The following IPCEF1 variants were observed in gnomAD, a reference collection of about 807,000 sequenced individuals.
The protein encoded by IPCEF1 is interactor protein for cytohesin exchange factors 1.
In IPCEF1, 31 loss-of-function variants were observed where a neutral mutation model predicts 50.9. That is an observed-to-expected ratio of 0.61 (90% CI 0.46 to 0.82). The LOEUF is 0.82. Among genes scored for constraint, IPCEF1 ranks in the 40% least tolerant of loss-of-function variants. The probability of loss-of-function intolerance (pLI) is 0.00; values close to 1 mark genes in which losing one functional copy is unlikely to be tolerated. For missense variants in IPCEF1, 458 were observed against 514.0 expected, an observed-to-expected ratio of 0.89 and a Z score of 1.05; for synonymous variants, 181 against 192.0, an observed-to-expected ratio of 0.94 and a Z score of 0.47.
intron 1 of IPCEF1, among the ~76,000 whole-genome samples, chr6:154,326,131 T>C (rs1195762582): frequency 6.7e-6 from 1 of 148,750 alleles, no homozygotes; most frequent in Non-Finnish European, 1.5e-5. Flanking sequence ...GAGGCTGAGG[T>C]GGGAGGCTTG....
At chr6:154,231,849 G>A (rs1465793389) in intron 5 of IPCEF1, among the ~76,000 whole-genome samples, 1 of 152,102 alleles carries the variant, frequency 6.6e-6, no homozygotes, top group African/African-American at 2.4e-5. Flanking sequence ...AAACAAACAC[G>A]AAAAAGAAAA....
chr6:154,187,460 T>G lies in IPCEF1; in HGVS notation c.910+12208A>C, dbSNP rs543326739. Among the ~76,000 whole-genome samples the G allele has an allele frequency of 2.0e-5, 3 of 152,314 alleles. No individual in the cohort carries two copies. The East Asian group carries it at 5.8e-4, about 29-fold the overall frequency. On this transcript the variant is annotated intron_variant, in intron 10 of 11. Coordinates refer to ENST00000367220, the MANE Select transcript of IPCEF1 (RefSeq NM_001130700.2). ...ATGGTGCTTGGCATATAAAAAGCAC[T>G]TGACAAATATTGTTGAATGAATGGA... is the stretch of plus-strand genomic sequence containing the variant.
At chr6:154,205,829 T>C (rs1777448356) in intron 9 of IPCEF1, among the ~76,000 whole-genome samples, 1 of 152,076 alleles carries the variant, frequency 6.6e-6, no homozygotes, top group Non-Finnish European at 1.5e-5. Flanking sequence ...TATTCCTTCC[T>C]TTCTAACACA....
rs775067070 is a variant in IPCEF1, at chr6:154,247,505, G to A, written c.37-17C>T. 62 of 1,608,896 alleles carry A rather than the reference G, an allele frequency of 3.9e-5. No individual in the cohort carries two copies. The East Asian group carries it at 1.4e-3, about 36-fold the overall frequency. ...GGGAACCTGCTGAAAATGCAGGAAG[G>A]AAAGAAAAGAGGAAATTTCTGATTG... On this transcript the variant is annotated splice_polypyrimidine_tract_variant and intron_variant, in intron 3 of 11. Coordinates refer to ENST00000367220, the MANE Select transcript of IPCEF1 (RefSeq NM_001130700.2).
chr6:154,253,704 T>G (rs9479801), intron 3 of IPCEF1, among the ~76,000 whole-genome samples: 55,359 of 151,792 alleles, frequency 0.36, 10,451 homozygotes, highest in Middle Eastern at 0.47. Context: ...TATTCCCACG[T>G]TTCTTCCAAA....
chr6:154,247,088 A>G (rs1781114949), intron 4 of IPCEF1: 2 of 390,546 alleles, frequency 5.1e-6, no homozygotes, highest in Non-Finnish European at 9.2e-6. Context: ...AGTTGAAAAT[A>G]ATTAAAATTG....
intron 11 of IPCEF1, among the ~76,000 whole-genome samples, chr6:154,165,024 C>T (rs2128551119): frequency 6.6e-6 from 1 of 152,280 alleles, no homozygotes; most frequent in East Asian, 1.9e-4. Flanking sequence ...CAAATATAAA[C>T]ATTATTGTTA....
At chr6:154,164,650 G>A (rs528876451) in intron 11 of IPCEF1, among the ~76,000 whole-genome samples, 2 of 152,328 alleles carry the variant, frequency 1.3e-5, no homozygotes, top group African/African-American at 4.8e-5. Context: ...AATAGTCAGT[G>A]TGTGGCTCGA....
intron 1 of IPCEF1, among the ~76,000 whole-genome samples, chr6:154,344,728 C>T (rs1378805063): frequency 6.6e-6 from 1 of 152,214 alleles, no homozygotes; most frequent in East Asian, 1.9e-4. Flanking sequence ...TCTCCCCCAA[C>T]CTGAAACTTT....
chr6:154,323,674 T>C (rs1783447584), intron 1 of IPCEF1, among the ~76,000 whole-genome samples: 1 of 152,124 alleles, frequency 6.6e-6, no homozygotes, highest in Non-Finnish European at 1.5e-5. Flanking sequence ...ATGCAGAGCC[T>C]GGGTGCAGTG....
chr6:154,268,579 C>T (rs1349308320), intron 2 of IPCEF1, among the ~76,000 whole-genome samples: 2 of 152,130 alleles, frequency 1.3e-5, no homozygotes, highest in African/African-American at 4.8e-5. Context: ...TTTCAATGCA[C>T]ATCTGACTAT....
intron 1 of IPCEF1, among the ~76,000 whole-genome samples, chr6:154,337,009 C>T (rs1783801607): frequency 6.6e-6 from 1 of 152,144 alleles, no homozygotes; most frequent in Admixed American, 6.5e-5. Context: ...GAAATGTTCC[C>T]ACCACATAGA....
At chr6:154,273,737 T>C (rs9384200) in intron 2 of IPCEF1, among the ~76,000 whole-genome samples, 8 of 36,116 alleles carry the variant, frequency 2.2e-4, no homozygotes, top group South Asian at 8.4e-4. Flanking sequence ...TTTTTTTTTT[T>C]TTTTTTTTTT....
intron 2 of IPCEF1, among the ~76,000 whole-genome samples, chr6:154,271,658 A>C (rs991144212): frequency 6.6e-6 from 1 of 152,150 alleles, no homozygotes; most frequent in African/African-American, 2.4e-5. Flanking sequence ...GAGGCTCCTA[A>C]GTTCTTTTAT....
intron 5 of IPCEF1, among the ~76,000 whole-genome samples, chr6:154,233,765 C>A (rs1476783459): frequency 6.6e-6 from 1 of 152,184 alleles, no homozygotes; most frequent in Admixed American, 6.5e-5. Flanking sequence ...GGCACACTGG[C>A]AAGACTTCCT....
chr6:154,201,280 A>AT (rs1026580873), intron 9 of IPCEF1, among the ~76,000 whole-genome samples: 2 of 152,182 alleles, frequency 1.3e-5, no homozygotes, highest in African/African-American at 4.8e-5. Flanking sequence ...TTATTCTGAG[A>AT]TTTTTATCTT....
intron 2 of IPCEF1, among the ~76,000 whole-genome samples, chr6:154,274,207 CT>C (rs1486971542): frequency 6.6e-6 from 1 of 151,498 alleles, no homozygotes; most frequent in East Asian, 1.9e-4. Flanking sequence ...TTCCTGCCTT[CT>C]CTCCACTTTG....
intron 5 of IPCEF1, among the ~76,000 whole-genome samples, chr6:154,229,408 G>T (rs1779536379): frequency 6.9e-6 from 1 of 144,476 alleles, no homozygotes; most frequent in East Asian, 2.1e-4. Flanking sequence ...GGACTGCAGT[G>T]GCGCGATCTT....
At chr6:154,271,838 T>G (rs1255048556) in intron 2 of IPCEF1, among the ~76,000 whole-genome samples, 1 of 152,056 alleles carries the variant, frequency 6.6e-6, no homozygotes, top group Non-Finnish European at 1.5e-5. Flanking sequence ...AAAATAAAAA[T>G]TAGCAGGGTA....
Sources: allele counts gnomAD v4.1 joint callset (sites outside exome capture counted in the v4.1 genomes callset), GRCh38; gene constraint gnomAD v4.1.1; transcripts MANE v1.5; gene names NCBI Gene and HGNC (gene_info 2026-07-23, HGNC 2026-07-21).